The following THRB variants were observed in gnomAD, a reference collection of about 807,000 sequenced individuals.
The protein encoded by THRB is thyroid hormone receptor beta.
A neutral mutation model predicts 47.8 loss-of-function variants in THRB; 12 were observed. The ratio of observed to expected loss-of-function variants is 0.25; its 90% CI spans 0.16 to 0.41. The LOEUF (loss-of-function observed/expected upper bound fraction) is 0.41, where lower values mean the gene tolerates loss of function less well. Ranked by LOEUF, THRB falls within the 10% of genes least tolerant of loss-of-function variation. THRB has a pLI of 1.00. For synonymous variants in THRB, 218 were observed against 212.2 expected (o/e 1.03, Z -0.24); for missense variants, 348 against 589.2 (o/e 0.59, Z 4.24).
intron 2 of THRB, among the ~76,000 whole-genome samples, chr3:24,310,213 C>T (rs2057656823): frequency 6.6e-6 from 1 of 152,202 alleles, no homozygotes; most frequent in South Asian, 2.1e-4. Flanking sequence ...AAAAGGAATT[C>T]TGTTCAGAAT....
chr3:24,128,945 T>C (rs1212139233), intron 9 of THRB, among the ~76,000 whole-genome samples: 2 of 147,738 alleles, frequency 1.4e-5, no homozygotes, highest in African/African-American at 4.9e-5. Context: ...ACACCTAATA[T>C]CTGTCTCTTC....
At chr3:24,353,221 A>T (rs564740519) in intron 1 of THRB, among the ~76,000 whole-genome samples, 3 of 152,004 alleles carry the variant, frequency 2.0e-5, no homozygotes, top group Non-Finnish European at 4.4e-5. Flanking sequence ...TTCATGTGGG[A>T]TGTGTAGAAT....
chr3:24,152,551 A>AACC (rs1367791794), intron 5 of THRB, 61 bp from the exon 6 acceptor site: 1 of 935,696 alleles, frequency 1.1e-6, no homozygotes, highest in Non-Finnish European at 1.7e-6. Context: ...AAGAGACACT[A>AACC]TAGCTAAGGT....
chr3:24,128,494 T>C (rs2033281723), intron 9 of THRB, among the ~76,000 whole-genome samples: 2 of 152,232 alleles, frequency 1.3e-5, no homozygotes, highest in Admixed American at 1.3e-4. Context: ...TTTGTGAGAA[T>C]GTGGCAACGT....
chr3:24,222,025 G>A (rs1358821786), intron 4 of THRB, among the ~76,000 whole-genome samples: 3 of 152,256 alleles, frequency 2.0e-5, no homozygotes, highest in South Asian at 2.1e-4. Context: ...AAGAGTTACC[G>A]TTCTTTGTTT....
At chr3:24,484,948 A>G (rs1697070943) in intron 1 of THRB, among the ~76,000 whole-genome samples, 2 of 152,350 alleles carry the variant, frequency 1.3e-5, no homozygotes, top group Non-Finnish European at 1.5e-5. Context: ...TGATATTTCC[A>G]TAATGCCACC....
chr3:24,355,086 G>A (rs752183292), intron 1 of THRB, among the ~76,000 whole-genome samples: 2 of 152,062 alleles, frequency 1.3e-5, no homozygotes, highest in Non-Finnish European at 2.9e-5. Context: ...CCAACAGACA[G>A]CACCTTAACC....
At chr3:24,367,200 T>C (rs1053667284) in intron 1 of THRB, among the ~76,000 whole-genome samples, 5 of 152,184 alleles carry the variant, frequency 3.3e-5, no homozygotes, top group East Asian at 3.9e-4. Flanking sequence ...CAATTAGAAG[T>C]AGGGACAGAG....
chr3:24,407,543 A>T (rs1346553195), intron 1 of THRB, among the ~76,000 whole-genome samples: 1 of 151,904 alleles, frequency 6.6e-6, no homozygotes, highest in Non-Finnish European at 1.5e-5. Flanking sequence ...AAAAGAATGA[A>T]ATAATTAGCT....
In THRB at chr3:24,133,521, A is replaced by G; in HGVS notation, c.739-59T>C. ...GAAGTTGAAGGGAGCTTTATTTATC[A>G]TAGTTCTTATGTGGCAGAAAATCTC... On this transcript the variant is annotated intron_variant, in intron 8 of 10. Transcript: ENST00000646209. The G allele has an allele frequency of 2.0e-6, 3 of 1,506,014 alleles. No individual in the cohort carries two copies. The Admixed American group carries it at 5.1e-5, about 25-fold the overall frequency. 93.3% of individuals were successfully genotyped at this position (1,506,014 alleles called of 1,614,324 possible).
chr3:24,210,242 T>C (rs990112635), intron 4 of THRB, among the ~76,000 whole-genome samples: 4 of 152,004 alleles, frequency 2.6e-5, no homozygotes, highest in Admixed American at 1.3e-4. Flanking sequence ...GTTGAAAAGA[T>C]GGGGAGGGTG....
At chr3:24,465,039 T>C (rs2074022053) in intron 1 of THRB, among the ~76,000 whole-genome samples, 1 of 152,206 alleles carries the variant, frequency 6.6e-6, no homozygotes, top group Non-Finnish European at 1.5e-5. Flanking sequence ...ACTATTTTTT[T>C]TTTCCTGCAA....
At chr3:24,244,806 T>C (rs1172080748) in intron 3 of THRB, among the ~76,000 whole-genome samples, 3 of 152,172 alleles carry the variant, frequency 2.0e-5, no homozygotes, top group Admixed American at 2.0e-4. Flanking sequence ...TATGGTAATC[T>C]AATAACATAT....
At chr3:24,164,497 AAATAC>A (rs373298566) in intron 5 of THRB, among the ~76,000 whole-genome samples, 66 of 152,316 alleles carry the variant, frequency 4.3e-4, no homozygotes, top group African/African-American at 9.1e-4. Context: ...ATGGATAAAT[AAATAC>A]ATTAAAATGA....
At chr3:24,387,346 C>T (rs1284139684) in intron 1 of THRB, among the ~76,000 whole-genome samples, 1 of 152,166 alleles carries the variant, frequency 6.6e-6, no homozygotes, top group Non-Finnish European at 1.5e-5. Context: ...CCAATATTCA[C>T]TAAACCTTTC....
intron 3 of THRB, among the ~76,000 whole-genome samples, chr3:24,267,832 A>G (rs887510216): frequency 1.1e-4 from 17 of 152,162 alleles, no homozygotes; most frequent in African/African-American, 3.9e-4. Context: ...CCTGACTGCA[A>G]CACCCCATGC....
At chr3:24,182,667 CTTGT>C (rs2042054329) in intron 5 of THRB, among the ~76,000 whole-genome samples, 1 of 152,166 alleles carries the variant, frequency 6.6e-6, no homozygotes, top group Non-Finnish European at 1.5e-5. Flanking sequence ...CATTTAAGAG[CTTGT>C]TTCTTTCCAC....
intron 4 of THRB, among the ~76,000 whole-genome samples, chr3:24,199,428 G>A (rs1015688283): frequency 3.3e-5 from 5 of 152,210 alleles, no homozygotes; most frequent in African/African-American, 1.2e-4. Context: ...TTCTGTCCCC[G>A]TGTGCAAGTG....
At chr3:24,404,449 G>A (rs777326207) in intron 1 of THRB, among the ~76,000 whole-genome samples, 37 of 151,832 alleles carry the variant, frequency 2.4e-4, no homozygotes, top group African/African-American at 7.0e-4. Context: ...AACTGTTTGC[G>A]GATTAATTTT....
Sources: gnomAD v4.1 joint callset for allele counts (sites outside exome capture counted in the v4.1 genomes callset) on GRCh38, gnomAD v4.1.1 for gene constraint, MANE v1.5 for transcripts, NCBI Gene and HGNC (gene_info 2026-07-23, HGNC 2026-07-21) for gene names.